The following DCAF6 variants were observed in gnomAD, a reference collection of about 807,000 sequenced individuals.
DCAF6 encodes DDB1 and CUL4 associated factor 6, also known as DDB1- and CUL4-associated factor 6.
A neutral mutation model predicts 125.1 loss-of-function variants in DCAF6; 54 were observed. That is an observed-to-expected ratio of 0.43 (90% CI 0.35 to 0.54). DCAF6 has a LOEUF of 0.54. DCAF6 is among the 20% of genes least tolerant of loss of function. The probability of loss-of-function intolerance (pLI) is 0.01; values close to 1 mark genes in which losing one functional copy is unlikely to be tolerated. For synonymous variants in DCAF6, 371 were observed against 390.4 expected (o/e 0.95, Z 0.58); for missense variants, 934 against 1,161.7 (o/e 0.80, Z 2.85).
intron 1 of DCAF6, among the ~76,000 whole-genome samples, chr1:167,943,131 G>T (rs888360867): frequency 6.6e-6 from 1 of 152,108 alleles, no homozygotes; most frequent in Non-Finnish European, 1.5e-5. Flanking sequence ...GGATGGTCTC[G>T]ATCTCCTGAC....
the DCAF6 span, chr1:167,893,962 T>G: frequency 1.3e-5 from 21 of 1,594,600 alleles, 1 homozygote; most frequent in South Asian, 2.3e-4. Flanking sequence ...AGAAGGAGGG[T>G]GCAGGCTCAG....
chr1:168,063,984 T>A (rs1308439477), intron 18 of DCAF6: 16 of 364,046 alleles, frequency 4.4e-5, no homozygotes, highest in Non-Finnish European at 7.2e-5. Context: ...ATTAAAAAAA[T>A]TTTTAGTTTA....
chr1:167,892,353 G>A, the DCAF6 span, among the ~76,000 whole-genome samples: 1 of 152,060 alleles, frequency 6.6e-6, no homozygotes, highest in African/African-American at 2.4e-5. Flanking sequence ...AGAGGACTAC[G>A]GTATCTTTAA....
At chr1:167,903,251 G>T in the DCAF6 span, among the ~76,000 whole-genome samples, 3 of 143,630 alleles carry the variant, frequency 2.1e-5, no homozygotes, top group Admixed American at 1.4e-4. Flanking sequence ...GTGAGACTCT[G>T]ACTCAAAAAA....
rs370801908 is a variant in DCAF6, at chr1:168,010,262, TTATA to T, written c.1378+5481_1378+5484del. Among the ~76,000 whole-genome samples, 3 of 150,990 alleles carry T rather than the reference TTATA, an allele frequency of 2.0e-5. No individual in the cohort carries two copies. The East Asian group carries it at 5.8e-4, about 29-fold the overall frequency. On this transcript the variant is annotated intron_variant, in intron 10 of 21. Coordinates refer to ENST00000367840, the MANE Select transcript of DCAF6 (RefSeq NM_001198956.2). ...AGAAATACTTTAAAAAATTGTCTCA[TTATA>T]TATATATATATTTGTTTGTGCTTTT...
chr1:167,973,665 C>T (rs1677688762), intron 3 of DCAF6, among the ~76,000 whole-genome samples: 1 of 151,954 alleles, frequency 6.6e-6, no homozygotes, highest in Non-Finnish European at 1.5e-5. Flanking sequence ...AAATTTGTTC[C>T]ATGGAGATTT....
chr1:167,936,688 T>C lies in DCAF6; in HGVS notation c.-224T>C. 2 of 511,418 alleles carry C rather than the reference T, an allele frequency of 3.9e-6. No homozygotes were observed. Among genetic ancestry groups the C allele is most frequent in the Non-Finnish European group, 7.0e-6 (2 of 287,572 alleles). 31.7% of individuals were successfully genotyped at this position (511,418 alleles called of 1,614,324 possible). A position where few individuals can be genotyped will look rare whatever the true frequency, so the allele number is the denominator to read the frequency against. On this transcript the variant is annotated 5_prime_UTR_variant, in exon 1 of 22. Coordinates refer to ENST00000367840, the MANE Select transcript of DCAF6 (RefSeq NM_001198956.2). ...GGAGACTGTTGCTGATCTTTGGATG[T>C]TCTGGTTAGTCTAAGAAGGAGAGTA...
intron 13 of DCAF6, chr1:168,042,810 CT>C (rs1207213482): frequency 2.3e-6 from 1 of 426,578 alleles, no homozygotes. Flanking sequence ...GAAGCAGTCC[CT>C]TTATATTTTT....
At position 167,987,445 on chromosome 1, in the gene DCAF6, G is replaced by A. The variant is rs114210274; in HGVS notation, c.439-50G>A. 1.7e-3 allele frequency: 1,477 copies of A among 877,758 alleles called. 17 individuals carry two copies. In the African/African-American group the frequency reaches 0.022, roughly 13 times the overall value. The allele number at this position is 877,758 out of a possible 1,614,324, so 54.4% of individuals were successfully genotyped here. ...AATAGTAGGAATGTTTTTCAGAGCC[G>A]TCTGTTTAAATGTTCGTATGATTAT... On this transcript the variant is annotated intron_variant, in intron 4 of 21. Transcript: ENST00000367840.
chr1:167,969,071 C>G (rs1379937756), intron 3 of DCAF6: 1 of 151,816 alleles, frequency 6.6e-6, no homozygotes, highest in Non-Finnish European at 1.5e-5. Context: ...CCATTCTGAC[C>G]AAGTTATTTA....
At chr1:167,911,169 T>G in the DCAF6 span, among the ~76,000 whole-genome samples, 4 of 152,226 alleles carry the variant, frequency 2.6e-5, no homozygotes, top group Non-Finnish European at 4.4e-5. Context: ...TGGGCAGTTT[T>G]AGGAAGTGTT....
chr1:167,874,489 C>T, the DCAF6 span, among the ~76,000 whole-genome samples: 37 of 152,192 alleles, frequency 2.4e-4, no homozygotes, highest in Middle Eastern at 3.4e-3. Context: ...TAAGTTGTTG[C>T]CAAAGATGAA....
At chr1:168,031,678 A>G (rs959151864) in intron 12 of DCAF6, among the ~76,000 whole-genome samples, 2 of 152,102 alleles carry the variant, frequency 1.3e-5, no homozygotes, top group Non-Finnish European at 2.9e-5. Context: ...TGAGAGTGTT[A>G]TTTATGATAG....
chr1:167,906,251 T>A, the DCAF6 span, among the ~76,000 whole-genome samples: 3 of 152,148 alleles, frequency 2.0e-5, no homozygotes, highest in East Asian at 5.8e-4. Context: ...ATGTATTTAG[T>A]ATTCTAAAAA....
At chr1:167,893,770 G>A in the DCAF6 span, 18 of 741,820 alleles carry the variant, frequency 2.4e-5, no homozygotes, top group Non-Finnish European at 3.7e-5. Context: ...AGTAGCTGCT[G>A]TTTTTTTTTT....
At chr1:168,016,672 A>G (rs574672879) in intron 11 of DCAF6, among the ~76,000 whole-genome samples, 12 of 152,122 alleles carry the variant, frequency 7.9e-5, no homozygotes, top group Non-Finnish European at 1.8e-4. Context: ...TAAAAGAATT[A>G]ATGAAAGATA....
intron 20 of DCAF6, among the ~76,000 whole-genome samples, chr1:168,067,676 T>G (rs1301655887): frequency 6.6e-6 from 1 of 152,200 alleles, no homozygotes; most frequent in Non-Finnish European, 1.5e-5. Flanking sequence ...GGCACCCTGA[T>G]GAGTTGGGAA....
the DCAF6 span, among the ~76,000 whole-genome samples, chr1:167,893,363 C>A: frequency 6.6e-6 from 1 of 152,166 alleles, no homozygotes; most frequent in African/African-American, 2.4e-5. Flanking sequence ...GAATAATGAT[C>A]TCTTTGAAAG....
At chr1:168,063,571 T>A in intron 17 of DCAF6, 50 bp from the exon 18 acceptor site, 1 of 1,361,884 alleles carries the variant, frequency 7.3e-7, no homozygotes. Context: ...TCATTATTCT[T>A]TGTGAATATT....
Sources: allele counts gnomAD v4.1 joint callset (sites outside exome capture counted in the v4.1 genomes callset), GRCh38; gene constraint gnomAD v4.1.1; transcripts MANE v1.5; gene names NCBI Gene and HGNC (gene_info 2026-07-23, HGNC 2026-07-21).